Variants in COL18A1 observed in about 807,000 individuals in gnomAD.
COL18A1 encodes the protein collagen type XVIII alpha 1 chain.
Under a neutral mutation model 168.0 loss-of-function variants are expected in COL18A1, and 133 were observed. That is an observed-to-expected ratio of 0.79 (90% CI 0.69 to 0.91). The LOEUF (loss-of-function observed/expected upper bound fraction) is 0.91, where lower values mean the gene tolerates loss of function less well. Among genes scored for constraint, COL18A1 ranks in the 40% least tolerant of loss-of-function variants. The pLI is 0.00. For synonymous variants in COL18A1, 949 were observed against 809.0 expected, an observed-to-expected ratio of 1.17 and a Z score of -2.94; for missense variants, 2,126 against 1,925.4, an observed-to-expected ratio of 1.10 and a Z score of -1.95.
chr21:45,445,407 G>A (rs1399273891), intron 2 of COL18A1, among the ~76,000 whole-genome samples: 1 of 152,190 alleles, frequency 6.6e-6, no homozygotes, highest in Non-Finnish European at 1.5e-5. Context: ...GATGAACGGT[G>A]CTGTTGTGAA....
chr21:45,504,182 TC>T, intron 33 of COL18A1, 128 bp downstream of exon 33: 1 of 1,152,650 alleles, frequency 8.7e-7, no homozygotes, highest in African/African-American at 1.5e-5. Context: ...GGGCGCTGGC[TC>T]CAGAGGGTGT....
chr21:45,487,544 G>A (rs1315300593), intron 17 of COL18A1, 35 bp downstream of exon 17: 4 of 1,610,390 alleles, frequency 2.5e-6, no homozygotes, highest in Non-Finnish European at 3.4e-6. Context: ...CGGCTCTGAG[G>A]GGTAAGGGGG....
intron 26 of COL18A1, 112 bp from the exon 27 acceptor site, chr21:45,494,433 G>C: frequency 2.0e-6 from 3 of 1,506,238 alleles, no homozygotes; most frequent in Non-Finnish European, 2.8e-6. Context: ...GAGGCTATCA[G>C]GTGGGGCACA....
At chr21:45,488,646 T>A (rs1220017780) in intron 18 of COL18A1, among the ~76,000 whole-genome samples, 4 of 152,088 alleles carry the variant, frequency 2.6e-5, no homozygotes, top group African/African-American at 9.7e-5. Context: ...ACTTCCAGCG[T>A]TAAGGGGCCA....
intron 36 of COL18A1, 39 bp from the exon 37 acceptor site, chr21:45,505,798 TC>T: frequency 6.5e-6 from 5 of 768,304 alleles, no homozygotes; most frequent in Non-Finnish European, 1.0e-5. Flanking sequence ...CCCCCCGCCC[TC>T]CCCGCCAAGC....
chr21:45,439,049 G>A (rs1429487534), intron 2 of COL18A1, among the ~76,000 whole-genome samples: 1 of 152,252 alleles, frequency 6.6e-6, no homozygotes, highest in Admixed American at 6.5e-5. Flanking sequence ...CGGAGGTGCA[G>A]GCCACGCTCA....
intron 2 of COL18A1, among the ~76,000 whole-genome samples, chr21:45,439,935 A>C (rs1318009464): frequency 6.6e-6 from 1 of 152,222 alleles, no homozygotes; most frequent in Admixed American, 6.5e-5. Context: ...TGACTTCCTG[A>C]GCGAAAGCAA....
At chr21:45,506,296 G>A (rs866850786) in intron 37 of COL18A1, 44 of 376,774 alleles carry the variant, frequency 1.2e-4, no homozygotes, top group Non-Finnish European at 1.8e-4. Context: ...GGGACGAGGC[G>A]GCAGGGGGGC....
chr21:45,451,788 G>A (rs1029856609), intron 2 of COL18A1, among the ~76,000 whole-genome samples: 2 of 152,172 alleles, frequency 1.3e-5, no homozygotes, highest in African/African-American at 2.4e-5. Context: ...CCCAGGTCCT[G>A]CGCACCCCCA....
At chr21:45,496,166 T>C (rs901895459) in intron 29 of COL18A1, 1 of 487,538 alleles carries the variant, frequency 2.1e-6, no homozygotes, top group South Asian at 1.8e-5. Flanking sequence ...GTGTCCACTC[T>C]GCTGTCTTTT....
rs763889022 is a variant in COL18A1 at position 45,473,978 on chromosome 21, T to C, written c.735T>C (p.Asp245=). 1 of 1,591,254 alleles carries C rather than the reference T, an allele frequency of 6.3e-7. No individual in the cohort carries two copies. The highest frequency in any genetic ancestry group is 8.6e-7 in the Non-Finnish European group (1 of 1,169,096). ...TGGACGAGGAAGGCGATGACTCAGA[T>C]GGGGTGAGTGACATCTGGGGCACGG... ...HCLDEEGDDS[D]GASGDSGSGL... is the part of the protein sequence containing the mutation. The change falls in exon 4 of 42, where the codon GAT becomes GAC. Residue 245 remains aspartate (D), a synonymous_variant. Coordinates refer to ENST00000651438, the MANE Select transcript of COL18A1 (RefSeq NM_001379500.1). The surrounding 1 kb of genome is among the most constrained non-coding windows in gnomAD (Gnocchi z 4.0).
chr21:45,462,450 C>G (rs1292326522), intron 2 of COL18A1, among the ~76,000 whole-genome samples: 4 of 152,270 alleles, frequency 2.6e-5, no homozygotes, highest in African/African-American at 7.2e-5. Context: ...TTTCACCTTT[C>G]TTTCATCTTT....
At chr21:45,508,005 A>G (rs1426073243) in intron 38 of COL18A1, among the ~76,000 whole-genome samples, 1 of 150,562 alleles carries the variant, frequency 6.6e-6, no homozygotes, top group East Asian at 1.9e-4. Flanking sequence ...AGGTGGATGG[A>G]TGGATGGGTG....
intron 2 of COL18A1, chr21:45,456,942 C>T (rs772731410): frequency 1.9e-4 from 244 of 1,292,510 alleles, no homozygotes; most frequent in Non-Finnish European, 2.4e-4. Flanking sequence ...TAAGTGTGGG[C>T]GGGGCTGACG....
At chr21:45,444,568 C>T (rs1023000292) in intron 2 of COL18A1, among the ~76,000 whole-genome samples, 5 of 152,024 alleles carry the variant, frequency 3.3e-5, no homozygotes, top group South Asian at 4.1e-4. Flanking sequence ...GAGGAGCCCT[C>T]GATAAATGCC....
At chr21:45,509,934 T>TGCGCGCCTCCCG in intron 39 of COL18A1, 130 bp from the exon 40 acceptor site, 1 of 1,075,334 alleles carries the variant, frequency 9.3e-7, no homozygotes, top group Admixed American at 2.4e-5. Flanking sequence ...GTGTGTCACT[T>TGCGCGCCTCCCG]GCGCGCCTCC....
chr21:45,449,858 A>G (rs1474923163), intron 2 of COL18A1, among the ~76,000 whole-genome samples: 2 of 145,226 alleles, frequency 1.4e-5, no homozygotes, highest in East Asian at 4.2e-4. Context: ...AGCAGCAGAG[A>G]TGTCAGGGGG....
Position 45,423,508 on chromosome 21 carries a change from G to A in COL18A1, c.106+18035G>A, listed in dbSNP as rs1433484948. 1.2e-5 allele frequency among the ~76,000 whole-genome samples: 1 copy of A among 80,920 alleles called. No homozygotes were observed. The highest frequency in any genetic ancestry group is 1.4e-4 in the Admixed American group (1 of 7,052). The allele number at this position is 80,920 out of a possible 152,430, so 53.1% of individuals were successfully genotyped here. On this transcript the variant is annotated intron_variant, in intron 2 of 41. Transcript: ENST00000651438. The surrounding 1 kb of genome is among the most constrained non-coding windows in gnomAD (Gnocchi z 4.0). ...GCCCGCCCCCCGCCCCCCGCCCCCC[G>A]GAGGGCCCGGCTCCAAGGGTCATAT...
chr21:45,438,089 C>A, intron 2 of COL18A1, among the ~76,000 whole-genome samples: 1 of 120,130 alleles, frequency 8.3e-6, no homozygotes, highest in Non-Finnish European at 1.7e-5. Context: ...CACTCTCCTG[C>A]ACACACTCAC....
Sources: gnomAD v4.1 joint callset for allele counts (sites outside exome capture counted in the v4.1 genomes callset) on GRCh38, gnomAD v4.1.1 for gene constraint, Gnocchi (gnomAD v3.1) non-coding constraint, MANE v1.5 for transcripts, NCBI Gene and HGNC (gene_info 2026-07-23, HGNC 2026-07-21) for gene names.